Variants in SCN10A observed in about 807,000 individuals in gnomAD.
The protein encoded by SCN10A is sodium channel protein type 10 subunit alpha.
A neutral mutation model predicts 170.7 loss-of-function variants in SCN10A; 162 were observed. The observed-to-expected ratio is 0.95, with a 90% confidence interval of 0.84 to 1.08. The LOEUF (loss-of-function observed/expected upper bound fraction) is 1.08, where lower values mean the gene tolerates loss of function less well. Among genes scored for constraint, SCN10A ranks in the 50% least tolerant of loss-of-function variants. The pLI, the probability that SCN10A is intolerant of heterozygous loss-of-function variation, is 0.00. For missense variants in SCN10A, 2,527 were observed against 2,436.9 expected, an observed-to-expected ratio of 1.04 and a Z score of -0.78; for synonymous variants, 985 against 904.6, an observed-to-expected ratio of 1.09 and a Z score of -1.59.
At chr3:38,807,411 CT>C (rs2064411086) in intron 1 of SCN10A, among the ~76,000 whole-genome samples, 4 of 152,256 alleles carry the variant, frequency 2.6e-5, no homozygotes, top group Admixed American at 2.6e-4. Flanking sequence ...TCCCAGTTTT[CT>C]TTACCAAAGC....
At chr3:38,742,792 C>G (rs887026667) in intron 13 of SCN10A, among the ~76,000 whole-genome samples, 2 of 152,174 alleles carry the variant, frequency 1.3e-5, no homozygotes, top group Non-Finnish European at 2.9e-5. Context: ...CATGTCCTTA[C>G]TTCTCAATTT....
rs574972566 is a variant in SCN10A at position 38,733,721 on chromosome 3, T to C, written c.2281-4820A>G. 2.8e-4 allele frequency among the ~76,000 whole-genome samples: 43 copies of C among 152,182 alleles called. No individual in the cohort carries two copies. The South Asian group carries it at 7.7e-3, about 27-fold the overall frequency. On this transcript the variant is annotated intron_variant, in intron 15 of 27. Coordinates refer to ENST00000449082, the MANE Select transcript of SCN10A (RefSeq NM_006514.4). Reference sequence around the variant, plus strand: ...CTTTTTTAAATTTAAAATTTATTTATTTATTTATTTATTTTTGAGATGGAG... The same window carrying C: ...CTTTTTTAAATTTAAAATTTATTTACTTATTTATTTATTTTTGAGATGGAG...
At chr3:38,775,333 C>T (rs2064060025) in intron 4 of SCN10A, among the ~76,000 whole-genome samples, 1 of 152,202 alleles carries the variant, frequency 6.6e-6, no homozygotes, top group African/African-American at 2.4e-5. Context: ...AATCATGCAA[C>T]ATTTGTTCTT....
intron 13 of SCN10A, among the ~76,000 whole-genome samples, chr3:38,742,995 A>G (rs72866267): frequency 0.091 from 13,890 of 152,156 alleles, 1,114 homozygotes; most frequent in African/African-American, 0.2. Context: ...TATGCTTACC[A>G]ACCCTCCTAG....
intron 1 of SCN10A, among the ~76,000 whole-genome samples, chr3:38,808,464 A>G (rs1033953648): frequency 4.6e-5 from 7 of 152,224 alleles, no homozygotes; most frequent in African/African-American, 1.4e-4. Flanking sequence ...TATGTTAGAA[A>G]GTAAGCTTCC....
chr3:38,710,816 G>C lies in SCN10A; in HGVS notation c.4143+28C>G, dbSNP rs1268463892. ...ATGGGTAGAATGCACAGAGGGGAAGGCTGTAGGGACAGTGGGCTGAGACTC... is the reference window on the plus strand; with the variant it reads ...ATGGGTAGAATGCACAGAGGGGAAGCCTGTAGGGACAGTGGGCTGAGACTC... On this transcript the variant is annotated intron_variant, in intron 24 of 27. Transcript: ENST00000449082. The C allele has an allele frequency of 1.9e-6, 3 of 1,604,274 alleles. No homozygotes were observed. In the South Asian group the frequency reaches 3.3e-5, roughly 18 times the overall value.
intron 18 of SCN10A, 74 bp from the exon 19 acceptor site, chr3:38,723,627 G>C: frequency 6.6e-7 from 1 of 1,504,006 alleles, no homozygotes; most frequent in Non-Finnish European, 9.0e-7. Context: ...GTCACTGCAG[G>C]TTCAACTGCA....
intron 24 of SCN10A, among the ~76,000 whole-genome samples, chr3:38,710,248 C>T (rs2063258429): frequency 1.3e-5 from 2 of 152,282 alleles, no homozygotes; most frequent in East Asian, 1.9e-4. Flanking sequence ...CAACTTCTGC[C>T]TCCCGGGTTC....
Position 38,784,439 on chromosome 3 carries a change from T to G in SCN10A, c.470+4517A>C, listed in dbSNP as rs565043664. ...TTCGACAAAATTCAACACCCATTCA[T>G]GCTAAAAGCTCTCAATAAACTAGGT... On this transcript the variant is annotated intron_variant, in intron 4 of 27. Transcript: ENST00000449082. 3.9e-5 allele frequency among the ~76,000 whole-genome samples: 6 copies of G among 152,284 alleles called. No individual in the cohort carries two copies. The South Asian group carries it at 1.2e-3, about 32-fold the overall frequency.
chr3:38,771,249 A>C (rs1256778438), intron 5 of SCN10A, 30 bp downstream of exon 5: 6 of 1,610,892 alleles, frequency 3.7e-6, no homozygotes, highest in Non-Finnish European at 5.1e-6. Flanking sequence ...CTCCTATCAC[A>C]CATGCAGATC....
At chr3:38,764,962 T>A (rs2063915576) in intron 5 of SCN10A, among the ~76,000 whole-genome samples, 1 of 152,248 alleles carries the variant, frequency 6.6e-6, no homozygotes, top group African/African-American at 2.4e-5. Context: ...TAATTAATGA[T>A]GTTGAGCATT....
At position 38,793,778 on chromosome 3, in the gene SCN10A, G is replaced by A. The variant is rs780804421; in HGVS notation, c.233C>T (p.Pro78Leu). Residue 78 changes from proline to leucine, a missense_variant, in exon 2 of 28, where the codon CCC becomes CTC. Transcript: ENST00000449082. ...GELPAELIGE[P>L]LEDLDPFYST... is the part of the protein sequence containing the mutation. ...GTAGAACGGATCTAGATCCTCCAGG[G>A]GCTCCCCGATCAGTTCTGCTGGGAG... The A allele has an allele frequency of 6.2e-7, 1 of 1,613,638 alleles. No homozygotes were observed. The highest frequency in any genetic ancestry group is 8.5e-7 in the Non-Finnish European group (1 of 1,179,840).
chr3:38,782,500 T>C (rs1046002299), intron 4 of SCN10A, among the ~76,000 whole-genome samples: 2 of 152,040 alleles, frequency 1.3e-5, no homozygotes, highest in African/African-American at 2.4e-5. Context: ...TACTGTTCTT[T>C]CCCCCGTGCT....
At chr3:38,706,020 A>G (rs568467023) in intron 26 of SCN10A, among the ~76,000 whole-genome samples, 1 of 152,206 alleles carries the variant, frequency 6.6e-6, no homozygotes, top group Non-Finnish European at 1.5e-5. Context: ...AAATCCAGTT[A>G]TCTTGATTGT....
At chr3:38,798,738 C>T (rs1351511720) in intron 1 of SCN10A, among the ~76,000 whole-genome samples, 1 of 151,268 alleles carries the variant, frequency 6.6e-6, no homozygotes, top group East Asian at 1.9e-4. Flanking sequence ...GGTGGGCATT[C>T]AGCCCTCCCA....
chr3:38,800,563 C>A (rs1412458428), intron 1 of SCN10A, among the ~76,000 whole-genome samples: 2 of 152,072 alleles, frequency 1.3e-5, no homozygotes, highest in Non-Finnish European at 2.9e-5. Flanking sequence ...AGGTCAGAAG[C>A]CAGTATTAGG....
At position 38,798,786 on chromosome 3, in the gene SCN10A, C is replaced by CTTTTT. The variant is rs35930968; in HGVS notation, c.-32-4749_-32-4745dup. 8.3e-3 allele frequency among the ~76,000 whole-genome samples: 813 copies of CTTTTT among 97,626 alleles called. 40 individuals carry two copies. The highest frequency in any genetic ancestry group is 0.02 in the African/African-American group (500 of 24,834). 64.0% of individuals were successfully genotyped at this position (97,626 alleles called of 152,430 possible). A position where few individuals can be genotyped will look rare whatever the true frequency, so the allele number is the denominator to read the frequency against. On this transcript the variant is annotated intron_variant, in intron 1 of 27. Transcript: ENST00000449082. ...AGCGATATTTGGTTCCCCTTGCCTC[C>CTTTTT]TTTTTTTTTTTTTTTTTTTTTGAGA...
At chr3:38,749,515 G>A (rs1347099913) in intron 13 of SCN10A, among the ~76,000 whole-genome samples, 2 of 152,200 alleles carry the variant, frequency 1.3e-5, no homozygotes, top group African/African-American at 2.4e-5. Context: ...CATTGCTGGG[G>A]AGACTGAGTG....
chr3:38,742,386 TG>T lies in SCN10A; in HGVS notation c.2010del (p.Ile671SerfsTer7). ...GTGTTCACCACGATGCACAAGGTGA[TG>T]GTGAGCTCTGCAAAGGGATCCGTCA... The part of the protein sequence containing the change: ...GLVTDPFAEL[T>X]ITLCIVVNTI... On this transcript the variant is annotated frameshift_variant, in exon 14 of 28. Transcript: ENST00000449082. LOFTEE classifies it high-confidence loss of function. 6.2e-7 allele frequency: 1 copy of T among 1,614,170 alleles called. No homozygotes were observed. Among genetic ancestry groups the T allele is most frequent in the Non-Finnish European group, 8.5e-7 (1 of 1,180,026 alleles).
Sources: gnomAD v4.1 joint callset for allele counts (sites outside exome capture counted in the v4.1 genomes callset) on GRCh38, gnomAD v4.1.1 for gene constraint, MANE v1.5 for transcripts, NCBI Gene and HGNC (gene_info 2026-07-23, HGNC 2026-07-21) for gene names.